Variants in MIB1 observed in about 807,000 individuals in gnomAD.
MIB1 encodes MIB E3 ubiquitin protein ligase 1, also known as E3 ubiquitin-protein ligase MIB1.
MIB1 carries 278 observed loss-of-function variants against 124.5 expected under a neutral mutation model. That is an observed-to-expected ratio of 2.23 (90% CI 2.02 to 2.47). The LOEUF (loss-of-function observed/expected upper bound fraction) is 2.47, where lower values mean the gene tolerates loss of function less well. MIB1 is among the 30% of genes most tolerant of loss of function. The probability of loss-of-function intolerance (pLI) is 0.00; values close to 1 mark genes in which losing one functional copy is unlikely to be tolerated. For missense variants in MIB1, 957 were observed against 1,254.4 expected, an observed-to-expected ratio of 0.76 and a Z score of 3.58; for synonymous variants, 446 against 429.4, an observed-to-expected ratio of 1.04 and a Z score of -0.48.
At chr18:21,727,700 A>G (rs2040749010) in intron 1 of MIB1, among the ~76,000 whole-genome samples, 1 of 152,182 alleles carries the variant, frequency 6.6e-6, no homozygotes, top group Non-Finnish European at 1.5e-5. Context: ...GGAATTTGTT[A>G]AAGTGAGCTG....
chr18:21,823,183 G>C (rs1167545980), intron 12 of MIB1, among the ~76,000 whole-genome samples: 1 of 150,082 alleles, frequency 6.7e-6, no homozygotes, highest in Non-Finnish European at 1.5e-5. Context: ...GTAGTGAGCT[G>C]AGATTGCACC....
intron 17 of MIB1, 90 bp downstream of exon 17, chr18:21,849,478 T>C: frequency 1.4e-6 from 1 of 694,472 alleles, no homozygotes; most frequent in Non-Finnish European, 2.2e-6. Context: ...CATGCGTCTG[T>C]GTAATTTTGC....
intron 12 of MIB1, among the ~76,000 whole-genome samples, chr18:21,823,305 G>T (rs535461110): frequency 4.0e-5 from 6 of 151,602 alleles, no homozygotes; most frequent in African/African-American, 1.2e-4. Context: ...GGAGGCTGAG[G>T]CGAGAATATT....
chr18:21,743,000 T>C (rs1484250849), intron 1 of MIB1, among the ~76,000 whole-genome samples: 1 of 152,256 alleles, frequency 6.6e-6, no homozygotes, highest in East Asian at 1.9e-4. Flanking sequence ...CCGGCTGGTC[T>C]GGAACTCCTG....
intron 11 of MIB1, among the ~76,000 whole-genome samples, chr18:21,816,662 A>T (rs916013630): frequency 6.6e-6 from 1 of 152,260 alleles, no homozygotes; most frequent in Non-Finnish European, 1.5e-5. Context: ...TGTAGTTTAG[A>T]TAATTTACAG....
At chr18:21,744,612 C>A (rs940983596) in intron 1 of MIB1, among the ~76,000 whole-genome samples, 2 of 152,172 alleles carry the variant, frequency 1.3e-5, no homozygotes, top group Non-Finnish European at 2.9e-5. Context: ...GTTCCTCAGT[C>A]TTTAGTCAGT....
At chr18:21,765,737 G>T in intron 1 of MIB1, 35 bp from the exon 2 acceptor site, 1 of 1,567,834 alleles carries the variant, frequency 6.4e-7, no homozygotes, top group Admixed American at 1.9e-5. Context: ...AATAAAATTT[G>T]TGATTAATCT....
At chr18:21,853,259 A>C (rs760032684) in intron 18 of MIB1, 41 bp downstream of exon 18, 2 of 1,409,512 alleles carry the variant, frequency 1.4e-6, no homozygotes, top group African/African-American at 1.4e-5. Context: ...TATTATAAAA[A>C]TAGAAAGTGA....
At chr18:21,729,990 T>TA (rs1358567154) in intron 1 of MIB1, among the ~76,000 whole-genome samples, 1 of 152,250 alleles carries the variant, frequency 6.6e-6, no homozygotes, top group East Asian at 1.9e-4. Flanking sequence ...GGTATCTTGA[T>TA]ATAGCAGCTC....
At position 21,791,495 on chromosome 18, in the gene MIB1, GA is replaced by G; in HGVS notation, c.1031del (p.Asp344AlafsTer23). Reference sequence around the variant, plus strand: ...GGGTGATCTTGTACAAGTTTGTTATGACCTGGAACGAATTAAACTTCTACAA... The same window carrying G: ...GGGTGATCTTGTACAAGTTTGTTATGCCTGGAACGAATTAAACTTCTACAA... ...QVGDLVQVCY[D>X]LERIKLLQRG... On this transcript the variant is annotated frameshift_variant, in exon 7 of 21. Transcript: ENST00000261537. LOFTEE classifies it high-confidence loss of function. The G allele has an allele frequency of 1.2e-6, 2 of 1,614,068 alleles. No individual in the cohort carries two copies. The highest frequency in any genetic ancestry group is 2.2e-5 in the South Asian group (2 of 91,062).
At chr18:21,825,819 T>C (rs1445056161) in intron 12 of MIB1, 1 of 479,446 alleles carries the variant, frequency 2.1e-6, no homozygotes, top group Non-Finnish European at 4.4e-6. Flanking sequence ...AACAGTTAAA[T>C]GCTTTTCATT....
intron 14 of MIB1, 80 bp downstream of exon 14, chr18:21,843,297 A>G (rs1437754753): frequency 3.3e-6 from 3 of 906,026 alleles, no homozygotes; most frequent in Middle Eastern, 2.5e-4. Flanking sequence ...AATTGAAATG[A>G]TACAGTGTTA....
At position 21,799,958 on chromosome 18, in the gene MIB1, A is replaced by C. The variant is rs752947479; in HGVS notation, c.1355A>C (p.Lys452Thr). The C allele has an allele frequency of 1.0e-4, 169 of 1,611,668 alleles. No homozygotes were observed. Among genetic ancestry groups the C allele is most frequent in the Non-Finnish European group, 1.4e-4 (165 of 1,178,424 alleles). Residue 452 changes from lysine (K) to threonine (T), a missense_variant, in exon 9 of 21, where the codon AAA becomes ACA. Lys to Thr is a moderately conservative substitution (Grantham distance 78). Coordinates refer to ENST00000261537, the MANE Select transcript of MIB1 (RefSeq NM_020774.4). Reference sequence around the variant, plus strand: ...GTTGCTAAAGTGGAAGATTTGCTTAAAAGACCAGATGTGGATGTGAGCATT... The same window carrying C: ...GTTGCTAAAGTGGAAGATTTGCTTACAAGACCAGATGTGGATGTGAGCATT... ...GDVAKVEDLL[K>T]RPDVDVNGQC...
intron 1 of MIB1, among the ~76,000 whole-genome samples, chr18:21,734,210 C>T (rs1476811248): frequency 2.7e-5 from 4 of 150,824 alleles, no homozygotes; most frequent in Non-Finnish European, 5.9e-5. Flanking sequence ...GGGTTCACTC[C>T]ATTCTGCTGC....
At position 21,768,710 on chromosome 18, in the gene MIB1, G is replaced by A. The variant is rs1442801184; in HGVS notation, c.489G>A (p.Trp163Ter). Residue 163 changes from tryptophan to a stop codon, truncating the protein, a stop_gained, in exon 3 of 21, where the codon TGG (tryptophan) becomes TGA (stop). Coordinates refer to ENST00000261537, the MANE Select transcript of MIB1 (RefSeq NM_020774.4). LOFTEE classifies it high-confidence loss of function. Reference sequence around the variant, plus strand: ...CCAGAGTGGTGCGAGGAGTGGACTGGCAGTGGGAAGATCAAGATGGAGGAA... The same window carrying A: ...CCAGAGTGGTGCGAGGAGTGGACTGACAGTGGGAAGATCAAGATGGAGGAA... ...AGARVVRGVDWQWEDQDGGNG... is the reference protein window; with the variant it reads ...AGARVVRGVD 1 of 1,611,118 alleles carries A rather than the reference G, an allele frequency of 6.2e-7. No homozygotes were observed. Among genetic ancestry groups the A allele is most frequent in the Non-Finnish European group, 8.5e-7 (1 of 1,178,586 alleles).
At chr18:21,764,855 A>G (rs2041138904) in intron 1 of MIB1, among the ~76,000 whole-genome samples, 1 of 152,232 alleles carries the variant, frequency 6.6e-6, no homozygotes, top group Non-Finnish European at 1.5e-5. Flanking sequence ...TGAATCCAGG[A>G]GAGTGTCACT....
intron 12 of MIB1, among the ~76,000 whole-genome samples, chr18:21,835,840 A>ACACGCAAACAC (rs1555695330): frequency 2.8e-5 from 3 of 108,056 alleles, no homozygotes; most frequent in Non-Finnish European, 5.3e-5. Context: ...CACACACACA[A>ACACGCAAACAC]ACACACACGA....
At chr18:21,763,967 G>C (rs933338969) in intron 1 of MIB1, among the ~76,000 whole-genome samples, 3 of 151,266 alleles carry the variant, frequency 2.0e-5, no homozygotes, top group African/African-American at 7.3e-5. Context: ...TAGAGTCTTA[G>C]TTGCCCAGAC....
At chr18:21,824,451 T>TA (rs1218792748) in intron 12 of MIB1, among the ~76,000 whole-genome samples, 1 of 152,168 alleles carries the variant, frequency 6.6e-6, no homozygotes, top group African/African-American at 2.4e-5. Context: ...ATGCTTTCCT[T>TA]ACAACTGTAA....
Sources: gnomAD v4.1 joint callset for allele counts (sites outside exome capture counted in the v4.1 genomes callset) on GRCh38, gnomAD v4.1.1 for gene constraint, MANE v1.5 for transcripts, NCBI Gene and HGNC (gene_info 2026-07-23, HGNC 2026-07-21) for gene names.